The following SDK1 variants were observed in gnomAD, a reference collection of about 807,000 sequenced individuals.
SDK1 encodes sidekick cell adhesion molecule 1.
SDK1 carries 157 observed loss-of-function variants against 245.5 expected under a neutral mutation model. The ratio of observed to expected loss-of-function variants is 0.64; its 90% CI spans 0.56 to 0.73. SDK1 has a LOEUF of 0.73. SDK1 is among the 30% of genes least tolerant of loss of function. SDK1 has a pLI of 0.00. For synonymous variants in SDK1, 1,647 were observed against 1,278.5 expected, an observed-to-expected ratio of 1.29 and a Z score of -6.15; for missense variants, 3,583 against 3,002.3, an observed-to-expected ratio of 1.19 and a Z score of -4.52.
At chr7:4,124,060 G>A (rs116630528) in intron 25 of SDK1, among the ~76,000 whole-genome samples, 2,047 of 152,338 alleles carry the variant, frequency 0.013, 44 homozygotes, top group South Asian at 0.079. Flanking sequence ...CGCTGGCCCT[G>A]TTAGGCTATG....
At chr7:3,663,205 G>C (rs763647686) in intron 4 of SDK1, among the ~76,000 whole-genome samples, 2 of 152,178 alleles carry the variant, frequency 1.3e-5, no homozygotes, top group Non-Finnish European at 2.9e-5. Context: ...TGTTTAAAAT[G>C]AGTAAAATTG....
At chr7:3,683,395 G>A (rs1562368538) in intron 4 of SDK1, among the ~76,000 whole-genome samples, 1 of 152,060 alleles carries the variant, frequency 6.6e-6, no homozygotes, top group Non-Finnish European at 1.5e-5. Context: ...AAGCAGACAG[G>A]GAGATTTTTG....
chr7:3,821,329 T>C (rs893350853), intron 4 of SDK1, 121 bp from the exon 5 acceptor site: 14 of 1,145,158 alleles, frequency 1.2e-5, no homozygotes, highest in Non-Finnish European at 1.6e-5. Context: ...ATTGTTTTTG[T>C]CCTTCCAGCT....
intron 26 of SDK1, 73 bp from the exon 27 acceptor site, chr7:4,129,835 G>T (rs1784674567): frequency 6.3e-7 from 1 of 1,594,904 alleles, no homozygotes; most frequent in Non-Finnish European, 8.5e-7. Context: ...CACGAAGGGG[G>T]CCTGCCCCAT....
At chr7:4,211,312 G>A (rs1018268258) in intron 38 of SDK1, among the ~76,000 whole-genome samples, 5 of 152,226 alleles carry the variant, frequency 3.3e-5, no homozygotes, top group African/African-American at 1.2e-4. Flanking sequence ...AAAACGGAAG[G>A]TGGAATGCAG....
rs117010132 is a variant in SDK1 at position 3,589,889 on chromosome 7, A to T, written c.299-29191A>T. ...GCATAATACCCAGACTGTGAGGAAT[A>T]AGCCAAGTAATAAGCAATAACAGAT... On this transcript the variant is annotated intron_variant, in intron 1 of 44. Transcript: ENST00000404826. Among the ~76,000 whole-genome samples, 953 of 152,328 alleles carry T rather than the reference A, an allele frequency of 6.3e-3. 7 individuals are homozygous for T. The highest frequency in any genetic ancestry group is 0.02 in the Middle Eastern group (6 of 294).
rs1788496055 is a variant in SDK1 at position 4,266,774 on chromosome 7, G to T, written c.*1390G>T. 3.0e-6 allele frequency: 3 copies of T among 985,316 alleles called. No individual in the cohort carries two copies. The highest frequency in any genetic ancestry group is 6.1e-5 in the Admixed American group (1 of 16,272). The allele number at this position is 985,316 out of a possible 1,614,324, so 61.0% of individuals were successfully genotyped here. A position where few individuals can be genotyped will look rare whatever the true frequency, so the allele number is the denominator to read the frequency against. ...TCTGGATGGAACGGGAGCACTGCTG[G>T]TGCCCACTGGCGTGTGTGCCCCGGG... On this transcript the variant is annotated 3_prime_UTR_variant, in exon 45 of 45. Transcript: ENST00000404826.
intron 1 of SDK1, among the ~76,000 whole-genome samples, chr7:3,349,279 T>TG (rs904031526): frequency 1.1e-4 from 17 of 152,018 alleles, no homozygotes; most frequent in African/African-American, 4.1e-4. Context: ...TGTGGTTTTG[T>TG]GGGAAGAGCA....
At chr7:4,250,181 C>G (rs1378036675) in intron 44 of SDK1, among the ~76,000 whole-genome samples, 1 of 152,196 alleles carries the variant, frequency 6.6e-6, no homozygotes, top group Non-Finnish European at 1.5e-5. Flanking sequence ...TTTCCCTTAG[C>G]ATGATGATTG....
intron 32 of SDK1, among the ~76,000 whole-genome samples, chr7:4,167,424 G>A (rs368411448): frequency 2.0e-5 from 3 of 151,816 alleles, no homozygotes; most frequent in Non-Finnish European, 4.4e-5. Flanking sequence ...AACAACAACA[G>A]CAACAAAAAA....
chr7:3,682,645 A>C (rs1046560890), intron 4 of SDK1, among the ~76,000 whole-genome samples: 2 of 62,154 alleles, frequency 3.2e-5, no homozygotes, highest in Non-Finnish European at 7.5e-5. Flanking sequence ...CATCAGCTTC[A>C]TAGAGCTGCC....
At chr7:3,349,792 C>T (rs887227890) in intron 1 of SDK1, among the ~76,000 whole-genome samples, 58 of 151,922 alleles carry the variant, frequency 3.8e-4, no homozygotes, top group African/African-American at 1.4e-3. Context: ...TTAGTAGAGA[C>T]GGGGTTTCAC....
intron 28 of SDK1, among the ~76,000 whole-genome samples, chr7:4,144,296 C>G (rs1038636336): frequency 5.9e-5 from 9 of 152,096 alleles, no homozygotes; most frequent in Non-Finnish European, 1.3e-4. Context: ...ACTCCCGGTC[C>G]CCATTGTGGG....
At chr7:3,359,239 C>T (rs564774654) in intron 1 of SDK1, among the ~76,000 whole-genome samples, 60 of 152,092 alleles carry the variant, frequency 3.9e-4, no homozygotes, top group Non-Finnish European at 7.9e-4. Flanking sequence ...TGGCACCAAG[C>T]AGAATGCAGC....
In SDK1 at chr7:4,265,910, T is replaced by C. The variant is rs1788439674; in HGVS notation, c.*526T>C. On this transcript the variant is annotated 3_prime_UTR_variant, in exon 45 of 45. Coordinates refer to ENST00000404826, the MANE Select transcript of SDK1 (RefSeq NM_152744.4). ...TTTTCCCTGGGCTCAGTGCGTTTTG[T>C]CCCAACTTCATCTGTTTCTGAAATG... is the stretch of plus-strand genomic sequence containing the variant. 1 of 986,266 alleles carries C rather than the reference T, an allele frequency of 1.0e-6. No homozygotes were observed. 61.1% of individuals were successfully genotyped at this position (986,266 alleles called of 1,614,324 possible). A position where few individuals can be genotyped will look rare whatever the true frequency, so the allele number is the denominator to read the frequency against.
At chr7:3,591,218 G>C (rs957574681) in intron 1 of SDK1, among the ~76,000 whole-genome samples, 1 of 152,180 alleles carries the variant, frequency 6.6e-6, no homozygotes, top group African/African-American at 2.4e-5. Flanking sequence ...TTATGTGTCA[G>C]ATGGCAGTTA....
At chr7:4,063,992 G>A (rs953370369) in intron 19 of SDK1, among the ~76,000 whole-genome samples, 1 of 151,984 alleles carries the variant, frequency 6.6e-6, no homozygotes, top group African/African-American at 2.4e-5. Context: ...TAAAACACAG[G>A]GGAAACACTT....
At position 3,477,007 on chromosome 7, in the gene SDK1, G is replaced by T. The variant is rs137860098; in HGVS notation, c.299-142073G>T. Among the ~76,000 whole-genome samples the T allele has an allele frequency of 4.5e-3, 679 of 152,156 alleles. 7 individuals are homozygous for T. The highest frequency in any genetic ancestry group is 0.015 in the African/African-American group (641 of 41,502). ...AAGAAGCTAGCATGTGCAAGAAGAG[G>T]GCAGATTTGAGAGAATGGCAGAGAA... On this transcript the variant is annotated intron_variant, in intron 1 of 44. Coordinates refer to ENST00000404826, the MANE Select transcript of SDK1 (RefSeq NM_152744.4).
At chr7:4,057,128 G>A (rs898364628) in intron 19 of SDK1, among the ~76,000 whole-genome samples, 3 of 152,154 alleles carry the variant, frequency 2.0e-5, no homozygotes, top group South Asian at 2.1e-4. Context: ...CCAGCAGCAG[G>A]GCCGCAGTGC....
Sources: gnomAD v4.1 joint callset for allele counts (sites outside exome capture counted in the v4.1 genomes callset) on GRCh38, gnomAD v4.1.1 for gene constraint, MANE v1.5 for transcripts, NCBI Gene and HGNC (gene_info 2026-07-23, HGNC 2026-07-21) for gene names.